Variants in PCDH11X observed in about 807,000 individuals in gnomAD.
The protein encoded by PCDH11X is protocadherin 11 X-linked, also known as protocadherin-11 X-linked.
Under a neutral mutation model 53.3 loss-of-function variants are expected in PCDH11X, and 18 were observed. The observed-to-expected ratio is 0.34, with a 90% CI of 0.23 to 0.50. The LOEUF (loss-of-function observed/expected upper bound fraction) is 0.50, where lower values mean the gene tolerates loss of function less well. Ranked by LOEUF, PCDH11X falls within the 20% of genes least tolerant of loss-of-function variation. The probability of loss-of-function intolerance (pLI) is 0.98; values close to 1 mark genes in which losing one functional copy is unlikely to be tolerated. For missense variants in PCDH11X, 570 were observed against 1,032.4 expected (o/e 0.55, Z 6.14); for synonymous variants, 279 against 393.3 (o/e 0.71, Z 3.44).
At chrX:92,380,436 A>G (rs755406899) in intron 8 of PCDH11X, among the ~76,000 whole-genome samples, 1 of 112,338 alleles carries the variant, frequency 8.9e-6, no homozygotes, top group South Asian at 3.7e-4. Flanking sequence ...GAGCAAAGGC[A>G]CCATCGGCCA....
intron 10 of PCDH11X, among the ~76,000 whole-genome samples, chrX:92,533,856 C>T (rs1047392070): frequency 9.3e-6 from 1 of 107,881 alleles, no homozygotes; most frequent in African/African-American, 3.4e-5. Flanking sequence ...ATAGCATCAA[C>T]ACCAACGAAA....
intron 6 of PCDH11X, among the ~76,000 whole-genome samples, chrX:92,146,341 G>T (rs1251180120): frequency 5.4e-5 from 6 of 110,989 alleles, no homozygotes; most frequent in Admixed American, 1.9e-4. Context: ...CTTTTGGGGG[G>T]TGGGGGTGAG....
intron 6 of PCDH11X, among the ~76,000 whole-genome samples, chrX:92,098,806 C>G (rs1258087644): frequency 9.1e-6 from 1 of 109,692 alleles, no homozygotes; most frequent in Non-Finnish European, 1.9e-5. Flanking sequence ...TGCCACCATA[C>G]CCAGCTAATT....
At chrX:92,424,487 T>C (rs1190562544) in intron 9 of PCDH11X, among the ~76,000 whole-genome samples, 1 of 96,256 alleles carries the variant, frequency 1.0e-5, no homozygotes, top group Non-Finnish European at 2.3e-5. Context: ...CTCTGGCTCG[T>C]GCAGTTCGTA....
At chrX:92,322,885 G>A (rs946545099) in intron 8 of PCDH11X, among the ~76,000 whole-genome samples, 3 of 110,806 alleles carry the variant, frequency 2.7e-5, no homozygotes, top group East Asian at 2.9e-4. Flanking sequence ...TTTTTAAGTG[G>A]TATTATGTCC....
At chrX:92,302,145 A>T (rs2068736952) in intron 8 of PCDH11X, among the ~76,000 whole-genome samples, 1 of 111,521 alleles carries the variant, frequency 9.0e-6, no homozygotes, top group South Asian at 3.8e-4. Flanking sequence ...AGCTGCATTT[A>T]CCTGAAACTT....
At chrX:91,919,764 A>T (rs962076086) in intron 6 of PCDH11X, among the ~76,000 whole-genome samples, 2 of 111,343 alleles carry the variant, frequency 1.8e-5, no homozygotes, top group Non-Finnish European at 3.8e-5. Context: ...TAATAAAAAA[A>T]TTATCTGGAT....
chrX:91,956,171 G>C (rs2061707765), intron 6 of PCDH11X, among the ~76,000 whole-genome samples: 1 of 111,017 alleles, frequency 9.0e-6, no homozygotes, highest in African/African-American at 3.3e-5. Flanking sequence ...TGGGCCTCTT[G>C]AAGGCAGCAT....
At chrX:92,393,671 C>T (rs2071181504) in intron 9 of PCDH11X, among the ~76,000 whole-genome samples, 1 of 110,728 alleles carries the variant, frequency 9.0e-6, no homozygotes, top group African/African-American at 3.3e-5. Flanking sequence ...ATAATTGATA[C>T]TGTCTATGAT....
intron 4 of PCDH11X, among the ~76,000 whole-genome samples, chrX:91,830,469 A>G (rs1012427542): frequency 1.9e-4 from 21 of 110,960 alleles, no homozygotes; most frequent in Non-Finnish European, 4.0e-4. Context: ...ATAAAATTGG[A>G]CAGCCAATGC....
chrX:92,286,161 T>A (rs1183084074), intron 8 of PCDH11X, among the ~76,000 whole-genome samples: 16 of 108,173 alleles, frequency 1.5e-4, no homozygotes, highest in Admixed American at 4.9e-4. Context: ...TTGGGGCCAG[T>A]TTATGGCCAG....
intron 6 of PCDH11X, among the ~76,000 whole-genome samples, chrX:92,009,415 T>G (rs969979432): frequency 7.2e-5 from 8 of 111,359 alleles, no homozygotes; most frequent in Non-Finnish European, 1.1e-4. Flanking sequence ...ATGAGAACAG[T>G]GTTAAGGAAA....
intron 1 of PCDH11X, among the ~76,000 whole-genome samples, chrX:91,797,636 A>G (rs1935780922): frequency 9.1e-6 from 1 of 110,290 alleles, no homozygotes; most frequent in African/African-American, 3.3e-5. Context: ...TCTGCATAAT[A>G]CATCTAGTTG....
At chrX:91,793,890 A>T (rs919413939) in intron 1 of PCDH11X, among the ~76,000 whole-genome samples, 6 of 111,760 alleles carry the variant, frequency 5.4e-5, no homozygotes, top group Non-Finnish European at 1.1e-4. Flanking sequence ...GTAGTTAACC[A>T]TGTGGGGTGA....
intron 6 of PCDH11X, among the ~76,000 whole-genome samples, chrX:92,124,411 G>A (rs1355709766): frequency 1.8e-5 from 2 of 109,781 alleles, no homozygotes; most frequent in Admixed American, 9.9e-5. Flanking sequence ...TGGACGTGGT[G>A]GTGCATACCT....
chrX:91,916,880 T>G (rs2147812111), intron 6 of PCDH11X, among the ~76,000 whole-genome samples: 1 of 110,412 alleles, frequency 9.1e-6, no homozygotes, highest in East Asian at 2.9e-4. Context: ...TACAGACCAA[T>G]ATCCCTGATG....
chrX:91,804,267 T>C (rs1489104302), intron 1 of PCDH11X, among the ~76,000 whole-genome samples: 1 of 111,300 alleles, frequency 9.0e-6, no homozygotes, highest in Non-Finnish European at 1.9e-5. Context: ...GAGAATATGA[T>C]TTATTTACAA....
chrX:92,185,244 T>C (rs1040880342), intron 6 of PCDH11X, among the ~76,000 whole-genome samples: 20 of 110,323 alleles, frequency 1.8e-4, no homozygotes, highest in Non-Finnish European at 3.2e-4. Flanking sequence ...AGACCCTGTG[T>C]CTAAAAAATT....
chrX:92,361,951 A>T (rs1476400325), intron 8 of PCDH11X, among the ~76,000 whole-genome samples: 2 of 111,643 alleles, frequency 1.8e-5, no homozygotes, highest in Admixed American at 1.9e-4. Flanking sequence ...TTAACTTAGC[A>T]TAATATTCTC....
Sources: gnomAD v4.1 joint callset for allele counts (sites outside exome capture counted in the v4.1 genomes callset) on GRCh38, gnomAD v4.1.1 for gene constraint, MANE v1.5 for transcripts, NCBI Gene and HGNC (gene_info 2026-07-23, HGNC 2026-07-21) for gene names.